HNRNPK: variants seen among roughly 807,000 people sequenced by gnomAD.
The protein encoded by HNRNPK is heterogeneous nuclear ribonucleoprotein K, also known as dC-stretch binding protein.
In HNRNPK, 7 loss-of-function variants were observed where a neutral mutation model predicts 67.0. The ratio of observed to expected loss-of-function variants is 0.10; its 90% confidence interval spans 0.06 to 0.20. The LOEUF is 0.20. Among genes scored for constraint, HNRNPK ranks in the 10% least tolerant of loss-of-function variants. HNRNPK has a pLI of 1.00. For synonymous variants in HNRNPK, 213 were observed against 193.7 expected (o/e 1.10, Z -0.83); for missense variants, 264 against 606.5 (o/e 0.44, Z 5.93).
intron 14 of HNRNPK, 29 bp from the exon 15 acceptor site, chr9:83,970,848 T>C (rs757027678): frequency 6.2e-7 from 1 of 1,609,794 alleles, no homozygotes; most frequent in East Asian, 2.2e-5. Flanking sequence ...AGTAAGTTCA[T>C]TTAAAAAGTA....
At chr9:83,978,614 T>C (rs940039506) in intron 1 of HNRNPK, among the ~76,000 whole-genome samples, 162 bp from the exon 2 acceptor site, 3 of 152,162 alleles carry the variant, frequency 2.0e-5, no homozygotes, top group Non-Finnish European at 2.9e-5. Context: ...GCCTAAAAAA[T>C]ACAAAATTCA....
Position 83,978,160 on chromosome 9 carries a change from A to T in HNRNPK, c.58+35T>A, listed in dbSNP as rs765107550. 1.6e-5 allele frequency: 22 copies of T among 1,361,110 alleles called. No homozygotes were observed. In the South Asian group the frequency reaches 2.6e-4, roughly 16 times the overall value. The allele number at this position is 1,361,110 out of a possible 1,614,324, so 84.3% of individuals were successfully genotyped here. ...GAAAAAGGCAATTTATTAACAGGAT[A>T]AAAAAATACTGTTAAAACTAAAATT... On this transcript the variant is annotated intron_variant, in intron 3 of 16. Transcript: ENST00000376263.
intron 11 of HNRNPK, 50 bp from the exon 12 acceptor site, chr9:83,971,776 T>A (rs370758010): frequency 1.3e-6 from 2 of 1,597,784 alleles, no homozygotes; most frequent in Admixed American, 1.7e-5. Flanking sequence ...ATGCCACACA[T>A]ATCAAATCAA....
At position 83,973,087 on chromosome 9, in the gene HNRNPK, A is replaced by C. The variant is rs546300415; in HGVS notation, c.517-115T>G. The stretch of plus-strand genomic sequence containing the variant: ...TAACCCCCCACAATATAAAAACTTC[A>C]TTAATTATCACAGGGCTTTGCAATG... On this transcript the variant is annotated intron_variant, in intron 9 of 16. Coordinates refer to ENST00000376263, the MANE Select transcript of HNRNPK (RefSeq NM_031263.4). The C allele has an allele frequency of 8.6e-6, 7 of 811,590 alleles. No homozygotes were observed. In the East Asian group the frequency reaches 1.9e-4, roughly 22 times the overall value. The allele number at this position is 811,590 out of a possible 1,614,324, so 50.3% of individuals were successfully genotyped here.
rs1166405478 is a variant in HNRNPK at position 83,970,223 on chromosome 9, T to C, written c.1300A>G (p.Ile434Val). The C allele has an allele frequency of 1.2e-6, 2 of 1,613,544 alleles. No individual in the cohort carries two copies. Among genetic ancestry groups the C allele is most frequent in the East Asian group, 2.2e-5 (1 of 44,882 alleles). The part of the protein sequence containing the change: ...DEPLEGSEDR[I>V]ITITGTQDQI... ...TCCTGTGTTCCTGTAATGGTAATGA[T>C]CCGATCTTCGGATCCTTCTAAAGGC... The change falls in exon 16 of 17, where the codon ATC becomes GTC. Residue 434 changes from isoleucine (I) to valine (V), a missense_variant. Coordinates refer to ENST00000376263, the MANE Select transcript of HNRNPK (RefSeq NM_031263.4).
At chr9:83,977,621 G>T in intron 4 of HNRNPK, 68 bp downstream of exon 4, 1 of 909,052 alleles carries the variant, frequency 1.1e-6, no homozygotes, top group Non-Finnish European at 1.7e-6. Flanking sequence ...TTTCTAGAAA[G>T]CCAAACCAGA....
intron 16 of HNRNPK, chr9:83,969,650 TAAG>T (rs1214887117): frequency 3.3e-6 from 2 of 614,574 alleles, no homozygotes; most frequent in Admixed American, 3.0e-5. Flanking sequence ...AGAACAGAAT[TAAG>T]AAAACGGAAT....
rs780502296 is a variant in HNRNPK, at chr9:83,970,347, A to T, written c.1192-16T>A. ...ATCCAGCCAACTGAAAAGATTTTTT[A>T]AAAGTATGTGTTTACGATATACTTT... On this transcript the variant is annotated splice_polypyrimidine_tract_variant and intron_variant, in intron 15 of 16. Transcript: ENST00000376263. The T allele has an allele frequency of 6.2e-6, 10 of 1,601,564 alleles. No individual in the cohort carries two copies. In the African/African-American group the frequency reaches 1.2e-4, roughly 19 times the overall value.
rs773509862 is a variant in HNRNPK at position 83,970,254 on chromosome 9, A to T, written c.1269T>A (p.Ile423=). ...IRHESGASIK[I]DEPLEGSEDR... ...CTTCGGATCCTTCTAAAGGCTCATC[A>T]ATTTTGATCGAAGCTCCCGACTCAT... is the stretch of plus-strand genomic sequence containing the variant. The change falls in exon 16 of 17, where the codon ATT becomes ATA. Residue 423 remains isoleucine, a synonymous_variant. Transcript: ENST00000376263. 1 of 1,613,812 alleles carries T rather than the reference A, an allele frequency of 6.2e-7. No homozygotes were observed. Among genetic ancestry groups the T allele is most frequent in the Admixed American group, 1.7e-5 (1 of 60,016 alleles).
At chr9:83,970,567 T>C (rs1956782089) in intron 15 of HNRNPK, 170 bp downstream of exon 15, 5 of 652,400 alleles carry the variant, frequency 7.7e-6, no homozygotes, top group Non-Finnish European at 1.3e-5. Flanking sequence ...ATAGCACTGA[T>C]CACTTGACAA....
chr9:83,974,950 C>G (rs1314391848), intron 6 of HNRNPK, among the ~76,000 whole-genome samples: 2 of 152,226 alleles, frequency 1.3e-5, no homozygotes, highest in Non-Finnish European at 2.9e-5. Context: ...CACACCTTCT[C>G]TTAGGCAAAG....
At chr9:83,971,453 AG>A (rs1218638061) in intron 12 of HNRNPK, 97 bp from the exon 13 acceptor site, 2 of 917,928 alleles carry the variant, frequency 2.2e-6, no homozygotes, top group Admixed American at 1.8e-5. Flanking sequence ...AAAACAAAAG[AG>A]GGTACATATA....
At chr9:83,977,662 T>A (rs747395421) in intron 4 of HNRNPK, 27 bp downstream of exon 4, 32 of 1,423,860 alleles carry the variant, frequency 2.2e-5, no homozygotes, top group Non-Finnish European at 2.9e-5. Context: ...TGAACCACCT[T>A]CAAATTTTCA....
chr9:83,972,736 G>A (rs1376675845), intron 10 of HNRNPK, 108 bp downstream of exon 10: 1 of 763,592 alleles, frequency 1.3e-6, no homozygotes, highest in South Asian at 2.8e-5. Context: ...AATTGCTAGG[G>A]AAAGGGCAAA....
Position 83,979,164 on chromosome 9 carries a change from C to T in HNRNPK, c.-107-712G>A, listed in dbSNP as rs113307739. Among the ~76,000 whole-genome samples the T allele has an allele frequency of 6.6e-5, 10 of 152,296 alleles. 1 individual carries two copies. The highest frequency in any genetic ancestry group is 2.4e-4 in the African/African-American group (10 of 41,546). On this transcript the variant is annotated intron_variant, in intron 1 of 16. Transcript: ENST00000376263. ...TAGGACTACAAACAGCCTTTTTAAGCTTCCCTCTTGTCGGGACTAGGAGTT... is the reference window on the plus strand; with the variant it reads ...TAGGACTACAAACAGCCTTTTTAAGTTTCCCTCTTGTCGGGACTAGGAGTT...
intron 1 of HNRNPK, among the ~76,000 whole-genome samples, chr9:83,979,072 G>A (rs561896644): frequency 1.4e-4 from 21 of 152,286 alleles, no homozygotes; most frequent in Middle Eastern, 3.4e-3. Flanking sequence ...TTAGGCTTAA[G>A]GGAGTACAAC....
intron 4 of HNRNPK, 77 bp from the exon 5 acceptor site, chr9:83,977,128 T>TA (rs1353520132): frequency 1.4e-5 from 14 of 1,021,354 alleles, no homozygotes; most frequent in East Asian, 4.8e-5. Context: ...TAGATTTTGC[T>TA]AAAAAATCCT....
chr9:83,977,120 G>C (rs1957103085), intron 4 of HNRNPK, 69 bp from the exon 5 acceptor site: 3 of 1,108,744 alleles, frequency 2.7e-6, no homozygotes, highest in Non-Finnish European at 1.4e-6. Flanking sequence ...TACGCTCTTA[G>C]ATTTTGCTAA....
chr9:83,974,734 G>C (rs926258896), intron 6 of HNRNPK, 145 bp from the exon 7 acceptor site: 2 of 605,264 alleles, frequency 3.3e-6, no homozygotes, highest in Non-Finnish European at 5.8e-6. Context: ...CCTATTTATA[G>C]ATTTCTCACA....
Sources: gnomAD v4.1 joint callset for allele counts (sites outside exome capture counted in the v4.1 genomes callset) on GRCh38, gnomAD v4.1.1 for gene constraint, MANE v1.5 for transcripts, NCBI Gene and HGNC (gene_info 2026-07-23, HGNC 2026-07-21) for gene names.